The following HEMK2 variants were observed in gnomAD, a reference collection of about 807,000 sequenced individuals.
HEMK2 encodes the protein methyltransferase HEMK2.
At chr21:28,730,109 G>A in the HEMK2 span, among the ~76,000 whole-genome samples, 2 of 152,098 alleles carry the variant, frequency 1.3e-5, no homozygotes, top group Admixed American at 1.3e-4. Context: ...CGGGCTTGGT[G>A]GCTCAGACCT....
chr21:28,698,365 A>G, the HEMK2 span, among the ~76,000 whole-genome samples: 1 of 152,200 alleles, frequency 6.6e-6, no homozygotes, highest in Non-Finnish European at 1.5e-5. Flanking sequence ...ATAGCTTTAA[A>G]TCGGTTAAAA....
At chr21:28,797,448 A>AAC in the HEMK2 span, among the ~76,000 whole-genome samples, 41 of 151,882 alleles carry the variant, frequency 2.7e-4, 2 homozygotes, top group African/African-American at 9.4e-4. Context: ...AAAACAAAAA[A>AAC]AAAAAACAAA....
At chr21:28,802,208 G>C in the HEMK2 span, among the ~76,000 whole-genome samples, 1 of 152,052 alleles carries the variant, frequency 6.6e-6, no homozygotes, top group Non-Finnish European at 1.5e-5. Flanking sequence ...AAAGTAAGAA[G>C]TTTCTTATGT....
the HEMK2 span, among the ~76,000 whole-genome samples, chr21:28,611,823 G>C: frequency 6.7e-6 from 1 of 150,350 alleles, no homozygotes; most frequent in Non-Finnish European, 1.5e-5. Context: ...AAGGGGAATC[G>C]CTTGAACCCA....
chr21:28,704,357 G>T, the HEMK2 span, among the ~76,000 whole-genome samples: 4 of 152,078 alleles, frequency 2.6e-5, no homozygotes, highest in Admixed American at 6.6e-5. Flanking sequence ...TTTCCTAAGT[G>T]CCCTGAGACT....
the HEMK2 span, among the ~76,000 whole-genome samples, chr21:28,831,120 A>G: frequency 2.0e-5 from 3 of 152,000 alleles, no homozygotes; most frequent in Non-Finnish European, 4.4e-5. Flanking sequence ...CTACGCAAAC[A>G]GAAGAAACTT....
chr21:28,690,768 A>G, the HEMK2 span, among the ~76,000 whole-genome samples: 1 of 152,186 alleles, frequency 6.6e-6, no homozygotes, highest in Non-Finnish European at 1.5e-5. Flanking sequence ...GATATTATGT[A>G]TAATTTACCT....
chr21:28,861,562 G>A, the HEMK2 span, among the ~76,000 whole-genome samples: 1 of 152,170 alleles, frequency 6.6e-6, no homozygotes, highest in Non-Finnish European at 1.5e-5. Flanking sequence ...AACACTTTAT[G>A]CAGTGATTCT....
the HEMK2 span, among the ~76,000 whole-genome samples, chr21:28,838,975 ATATATATATAT>A: frequency 2.3e-4 from 7 of 30,724 alleles, no homozygotes; most frequent in Non-Finnish European, 3.1e-4. Context: ...AAAAAAAAAT[ATATATATATAT>A]ATATATATAT....
the HEMK2 span, among the ~76,000 whole-genome samples, chr21:28,717,622 G>C: frequency 1.3e-5 from 2 of 151,586 alleles, no homozygotes; most frequent in African/African-American, 4.8e-5. Context: ...TGGGATTACA[G>C]GTGCATGCCA....
At chr21:28,810,096 G>C in the HEMK2 span, among the ~76,000 whole-genome samples, 3 of 152,144 alleles carry the variant, frequency 2.0e-5, no homozygotes, top group African/African-American at 7.2e-5. Context: ...CTAATACACT[G>C]CTCTACCAGA....
chr21:28,852,671 T>C, the HEMK2 span, among the ~76,000 whole-genome samples: 2 of 152,120 alleles, frequency 1.3e-5, no homozygotes, highest in African/African-American at 2.4e-5. Flanking sequence ...CAAGGGGTTA[T>C]AGGTCTGTAA....
chr21:28,877,333 AGAAG>A, the HEMK2 span, among the ~76,000 whole-genome samples: 14 of 147,660 alleles, frequency 9.5e-5, no homozygotes, highest in African/African-American at 2.2e-4. Context: ...AGAAAAAGAA[AGAAG>A]GAAGGAAGGA....
chr21:28,801,620 A>G, the HEMK2 span, among the ~76,000 whole-genome samples: 1 of 152,176 alleles, frequency 6.6e-6, no homozygotes, highest in Admixed American at 6.5e-5. Context: ...CCTGATACAC[A>G]AAGATCACCT....
the HEMK2 span, among the ~76,000 whole-genome samples, chr21:28,684,841 C>T: frequency 1.3e-5 from 2 of 152,146 alleles, no homozygotes; most frequent in Non-Finnish European, 2.9e-5. Context: ...CTCTATTCTA[C>T]AAGGAATGGT....
the HEMK2 span, among the ~76,000 whole-genome samples, chr21:28,645,519 C>T: frequency 6.6e-6 from 1 of 151,938 alleles, no homozygotes; most frequent in African/African-American, 2.4e-5. Context: ...TTTTTCACAT[C>T]ATGGTCCCCT....
At chr21:28,761,048 T>C in the HEMK2 span, among the ~76,000 whole-genome samples, 1 of 152,162 alleles carries the variant, frequency 6.6e-6, no homozygotes, top group South Asian at 2.1e-4. Flanking sequence ...ATTTTATTAC[T>C]GTTTTGCTTT....
the HEMK2 span, among the ~76,000 whole-genome samples, chr21:28,601,968 GTCC>G: frequency 6.6e-6 from 1 of 152,168 alleles, no homozygotes; most frequent in Non-Finnish European, 1.5e-5. Flanking sequence ...ATAGAGCACT[GTCC>G]TCCTAGTGAA....
chr21:28,728,149 A>C, the HEMK2 span, among the ~76,000 whole-genome samples: 1 of 152,268 alleles, frequency 6.6e-6, no homozygotes, highest in South Asian at 2.1e-4. Context: ...CTACAGTGGC[A>C]ATAGGAAACT....
Sources: gnomAD v4.1 joint callset for allele counts (sites outside exome capture counted in the v4.1 genomes callset) on GRCh38, gnomAD v4.1.1 for gene constraint, MANE v1.5 for transcripts, NCBI Gene and HGNC (gene_info 2026-07-23, HGNC 2026-07-21) for gene names.